HSF5: variants seen among roughly 807,000 people sequenced by gnomAD.
HSF5 encodes the protein heat shock factor protein 5.
In HSF5, 5 loss-of-function variants were observed where a neutral mutation model predicts 50.8. The observed-to-expected ratio is 0.10, with a 90% CI of 0.05 to 0.21. The LOEUF (loss-of-function observed/expected upper bound fraction) is 0.21, where lower values mean the gene tolerates loss of function less well. Ranked by LOEUF, HSF5 falls within the 10% of genes least tolerant of loss-of-function variation. The pLI, the probability that HSF5 is intolerant of heterozygous loss-of-function variation, is 1.00. For synonymous variants in HSF5, 307 were observed against 307.4 expected, an observed-to-expected ratio of 1.00 and a Z score of 0.02; for missense variants, 564 against 762.6, an observed-to-expected ratio of 0.74 and a Z score of 3.07.
At chr17:58,436,592 T>C (rs1974430284) in intron 5 of HSF5, among the ~76,000 whole-genome samples, 1 of 152,186 alleles carries the variant, frequency 6.6e-6, no homozygotes, top group Non-Finnish European at 1.5e-5. Flanking sequence ...CTAATTATTT[T>C]ATCAGTTACA....
At chr17:58,464,834 T>C (rs1974839842) in intron 3 of HSF5, among the ~76,000 whole-genome samples, 1 of 152,106 alleles carries the variant, frequency 6.6e-6, no homozygotes, top group Non-Finnish European at 1.5e-5. Context: ...GGTTTCGCCA[T>C]GTTGGCCAGG....
rs1598176069 is a variant in HSF5 at position 58,420,326 on chromosome 17, T to C, written c.*2034A>G. 1 of 152,226 alleles carries C rather than the reference T, an allele frequency of 6.6e-6. No individual in the cohort carries two copies. The highest frequency in any genetic ancestry group is 1.5e-5 in the Non-Finnish European group (1 of 68,030). 9.4% of individuals were successfully genotyped at this position (152,226 alleles called of 1,614,324 possible). On this transcript the variant is annotated 3_prime_UTR_variant, in exon 6 of 6. Coordinates refer to ENST00000323777, the MANE Select transcript of HSF5 (RefSeq NM_001080439.3). ...AGACTTTATTATACCTCTTGCCATT[T>C]TGCCCAAGTCATTAATGACAGCTTT...
At position 58,422,123 on chromosome 17, in the gene HSF5, C is replaced by A; in HGVS notation, c.*237G>T. 1 of 452,096 alleles carries A rather than the reference C, an allele frequency of 2.2e-6. No homozygotes were observed. Among genetic ancestry groups the A allele is most frequent in the Non-Finnish European group, 4.0e-6 (1 of 251,850 alleles). The allele number at this position is 452,096 out of a possible 1,614,324, so 28.0% of individuals were successfully genotyped here. On this transcript the variant is annotated 3_prime_UTR_variant, in exon 6 of 6. Coordinates refer to ENST00000323777, the MANE Select transcript of HSF5 (RefSeq NM_001080439.3). ...ACTTTTCATTTAAAAGGGATCTGGG[C>A]AGCCAAAAAACGTGGCTGCTAGATG... is the stretch of plus-strand genomic sequence containing the variant.
In HSF5 at chr17:58,463,313, G is replaced by GA. The variant is rs755038946; in HGVS notation, c.1021-11dup. 6.3e-7 allele frequency: 1 copy of GA among 1,596,922 alleles called. No individual in the cohort carries two copies. The highest frequency in any genetic ancestry group is 8.5e-7 in the Non-Finnish European group (1 of 1,170,850). ...ACTGCATTGAAGGATTCTGGGAAAA[G>GA]AAAAAATATAACTGTTTGGATAGAA... is the stretch of plus-strand genomic sequence containing the variant. On this transcript the variant is annotated splice_polypyrimidine_tract_variant and intron_variant, in intron 3 of 5. Coordinates refer to ENST00000323777, the MANE Select transcript of HSF5 (RefSeq NM_001080439.3).
intron 3 of HSF5, among the ~76,000 whole-genome samples, chr17:58,466,152 G>GA (rs912468004): frequency 1.6e-4 from 24 of 152,044 alleles, no homozygotes; most frequent in Non-Finnish European, 2.6e-4. Context: ...TCCAAAATCT[G>GA]AAAAAATCCA....
At chr17:58,460,510 C>CACACACAT (rs61690847) in intron 4 of HSF5, among the ~76,000 whole-genome samples, 2,218 of 137,254 alleles carry the variant, frequency 0.016, 16 homozygotes, top group African/African-American at 0.026. Flanking sequence ...CACACACACA[C>CACACACAT]ATACTTTTTT....
Position 58,463,613 on chromosome 17 carries a change from T to C in HSF5, c.1021-310A>G, listed in dbSNP as rs182612943. Among the ~76,000 whole-genome samples, 106 of 152,324 alleles carry C rather than the reference T, an allele frequency of 7.0e-4. 1 individual carries two copies. Among genetic ancestry groups the C allele is most frequent in the Middle Eastern group, 6.8e-3 (2 of 294 alleles). Reference sequence around the variant, plus strand: ...AATACCTATTTGCTGATAAAGCATCTATACACCAAATTCTTCCATAAAGGC... The same window carrying C: ...AATACCTATTTGCTGATAAAGCATCCATACACCAAATTCTTCCATAAAGGC... On this transcript the variant is annotated intron_variant, in intron 3 of 5. Coordinates refer to ENST00000323777, the MANE Select transcript of HSF5 (RefSeq NM_001080439.3).
intron 5 of HSF5, among the ~76,000 whole-genome samples, chr17:58,447,664 A>T (rs1256623229): frequency 1.3e-5 from 2 of 152,124 alleles, no homozygotes; most frequent in African/African-American, 4.8e-5. Flanking sequence ...GCTGCAGCGT[A>T]CGTGGGCTTA....
chr17:58,428,901 G>A (rs539769356), intron 5 of HSF5, among the ~76,000 whole-genome samples: 5 of 152,166 alleles, frequency 3.3e-5, no homozygotes, highest in East Asian at 3.9e-4. Context: ...TATAGACCCC[G>A]AAGAACCAAA....
Position 58,480,238 on chromosome 17 carries a change from A to T in HSF5, c.580T>A (p.Ser194Thr), listed in dbSNP as rs1333582472. ...GGAGACAAACTATCTCGACGAAATG[A>T]CCGGTGAAATTGTCCTACAGCCACT... ...GPVAVGQFHR[S>T]FRRDSLSPYS... Residue 194 changes from serine (S) to threonine (T), a missense_variant, in exon 2 of 6, where the codon TCA (serine) becomes ACA (threonine). Around this residue, in one of 5 missense-constraint regions of HSF5, gnomAD observed 441 missense variants for 533.6 expected, o/e 0.83. Coordinates refer to ENST00000323777, the MANE Select transcript of HSF5 (RefSeq NM_001080439.3). 6.2e-7 allele frequency: 1 copy of T among 1,611,804 alleles called. No homozygotes were observed. Among genetic ancestry groups the T allele is most frequent in the Non-Finnish European group, 8.5e-7 (1 of 1,178,788 alleles).
At chr17:58,445,919 C>T (rs1484260019) in intron 5 of HSF5, among the ~76,000 whole-genome samples, 6 of 152,042 alleles carry the variant, frequency 3.9e-5, no homozygotes, top group Non-Finnish European at 5.9e-5. Context: ...GCAGATCACC[C>T]GAGGTCAGGA....
intron 5 of HSF5, among the ~76,000 whole-genome samples, chr17:58,458,300 T>C (rs1163203768): frequency 6.6e-6 from 1 of 152,194 alleles, no homozygotes; most frequent in Non-Finnish European, 1.5e-5. Context: ...TGGTATAGGG[T>C]CATACTTTAT....
At chr17:58,451,896 G>C (rs1974646186) in intron 5 of HSF5, among the ~76,000 whole-genome samples, 1 of 145,144 alleles carries the variant, frequency 6.9e-6, no homozygotes, top group African/African-American at 2.6e-5. Flanking sequence ...CCAAAACAAA[G>C]AGCTGTTTTT....
rs1050982204 is a variant in HSF5 at position 58,479,129 on chromosome 17, A to T, written c.925+764T>A. ...CTGTTCACCAGGTTTTTACTAAAGA[A>T]TTCAATGTTCAGAGAGTATCCTTTT... is the stretch of plus-strand genomic sequence containing the variant. On this transcript the variant is annotated intron_variant, in intron 2 of 5. Coordinates refer to ENST00000323777, the MANE Select transcript of HSF5 (RefSeq NM_001080439.3). Among the ~76,000 whole-genome samples the T allele has an allele frequency of 9.9e-5, 15 of 152,166 alleles. No individual in the cohort carries two copies. The East Asian group carries it at 2.9e-3, about 29-fold the overall frequency.
At chr17:58,435,670 T>C (rs943582016) in intron 5 of HSF5, among the ~76,000 whole-genome samples, 2 of 152,070 alleles carry the variant, frequency 1.3e-5, no homozygotes, top group African/African-American at 4.8e-5. Flanking sequence ...CCCAGCACTT[T>C]GGGAGGCTGA....
At chr17:58,484,166 G>A (rs1410347539) in intron 1 of HSF5, among the ~76,000 whole-genome samples, 2 of 147,030 alleles carry the variant, frequency 1.4e-5, no homozygotes, top group Admixed American at 1.4e-4. Context: ...GTCCACACCT[G>A]ACATACCTTC....
intron 5 of HSF5, among the ~76,000 whole-genome samples, chr17:58,454,061 T>G (rs989775737): frequency 6.6e-6 from 1 of 152,060 alleles, no homozygotes; most frequent in Non-Finnish European, 1.5e-5. Flanking sequence ...GCCACTGCAC[T>G]TCAGCCTGGT....
intron 5 of HSF5, among the ~76,000 whole-genome samples, chr17:58,434,299 C>T (rs1281868174): frequency 2.0e-5 from 3 of 152,038 alleles, no homozygotes; most frequent in African/African-American, 4.8e-5. Context: ...AATGTTAGGC[C>T]GGGCGTAGTG....
At chr17:58,477,237 A>C (rs1233360749) in intron 2 of HSF5, among the ~76,000 whole-genome samples, 2 of 148,258 alleles carry the variant, frequency 1.3e-5, no homozygotes, top group Non-Finnish European at 3.0e-5. Flanking sequence ...CTCCTGCCTC[A>C]TCCTCCCGAG....
Sources: gnomAD v4.1 joint callset for allele counts (sites outside exome capture counted in the v4.1 genomes callset) on GRCh38, gnomAD v4.1.1 for gene constraint, gnomAD v4.1.1 regional missense constraint, MANE v1.5 for transcripts, NCBI Gene and HGNC (gene_info 2026-07-23, HGNC 2026-07-21) for gene names.